TRIM8: variants seen among roughly 807,000 people sequenced by gnomAD.
The protein encoded by TRIM8 is E3 ubiquitin-protein ligase TRIM8.
A neutral mutation model predicts 55.7 loss-of-function variants in TRIM8; 9 were observed. That is an observed-to-expected ratio of 0.16 (90% CI 0.10 to 0.28). The LOEUF (loss-of-function observed/expected upper bound fraction) is 0.28. TRIM8 is among the 10% of genes least tolerant of loss of function. TRIM8 has a pLI of 1.00. For synonymous variants in TRIM8, 335 were observed against 333.3 expected (o/e 1.01, Z -0.06); for missense variants, 556 against 736.4 (o/e 0.76, Z 2.83).
In TRIM8 at chr10:102,657,085, C is replaced by T. The variant is rs527991213; in HGVS notation, c.1387C>T (p.Arg463Cys). ...QQPMLPQYGG[R>C]KILVCSVDNC... ...GCCCATGCTCCCCCAGTATGGCGGC[C>T]GCAAGATTCTCGTCTGTTCTGTGGA... Residue 463 changes from arginine (R) to cysteine (C), a missense_variant, in exon 6 of 6, where the codon CGC becomes TGC. Physicochemically the swap from Arg to Cys is radical, Grantham distance 180. Coordinates refer to ENST00000643721, the MANE Select transcript of TRIM8 (RefSeq NM_030912.3). The T allele has an allele frequency of 1.2e-6, 2 of 1,613,622 alleles. No individual in the cohort carries two copies. The highest frequency in any genetic ancestry group is 1.1e-5 in the South Asian group (1 of 91,078).
intron 1 of TRIM8, among the ~76,000 whole-genome samples, chr10:102,652,649 C>G (rs1453271831): frequency 5.3e-5 from 8 of 152,054 alleles, no homozygotes; most frequent in Non-Finnish European, 8.8e-5. Flanking sequence ...GAGATGAGAC[C>G]ATGGTTTGTG....
chr10:102,655,034 T>G, intron 2 of TRIM8, 46 bp from the exon 3 acceptor site: 1 of 1,600,776 alleles, frequency 6.2e-7, no homozygotes, highest in South Asian at 1.1e-5. Context: ...AACCAAAGGT[T>G]TCCAGTGCTT....
Position 102,656,897 on chromosome 10 carries a change from A to C in TRIM8, c.1199A>C (p.Tyr400Ser), listed in dbSNP as rs1214068585. Residue 400 changes from tyrosine to serine, a missense_variant, in exon 6 of 6, where the codon TAC becomes TCC. Tyr to Ser is a moderately radical substitution (Grantham distance 144). Around this residue, in one of 2 missense-constraint regions of TRIM8, gnomAD observed 391 missense variants for 441.0 expected, o/e 0.89. Transcript: ENST00000643721. The surrounding 1 kb of genome is among the most constrained non-coding windows in gnomAD (Gnocchi z 4.6). ...TCGTCGGGCCCTGTGGGCGGCCAGT[A>C]CGGGGCGGCGGGCACAGCCAGCGGT... ...ETSSGPVGGQ[Y>S]GAAGTASGEG... 1.3e-6 allele frequency: 2 copies of C among 1,594,012 alleles called. No homozygotes were observed. Among genetic ancestry groups the C allele is most frequent in the African/African-American group, 1.3e-5 (1 of 74,472 alleles).
rs966546178 is a variant in TRIM8 at position 102,644,806 on chromosome 10, G to C, written c.189G>C (p.Pro63=). 1.4e-5 allele frequency: 22 copies of C among 1,613,118 alleles called. No individual in the cohort carries two copies. The African/African-American group carries it at 2.7e-4, about 20-fold the overall frequency. The change falls in exon 1 of 6, where the codon CCG becomes CCC. Residue 63 remains proline (P), a synonymous_variant. Transcript: ENST00000643721. ...GCAACCAGGCCTACAACCAGAAGCCGGGCCTGGAGAAGAACCTGAAGCTCA... is the reference window on the plus strand; with the variant it reads ...GCAACCAGGCCTACAACCAGAAGCCCGGCCTGGAGAAGAACCTGAAGCTCA... ...PECNQAYNQK[P]GLEKNLKLTN...
intron 2 of TRIM8, 88 bp downstream of exon 2, chr10:102,654,836 GC>G (rs2064010638): frequency 9.2e-7 from 1 of 1,083,888 alleles, no homozygotes; most frequent in South Asian, 1.2e-5. Context: ...TGATTGTGTA[GC>G]CCTATGCCAG....
chr10:102,656,351 CAAG>C lies in TRIM8; in HGVS notation c.1018_1020del (p.Lys340del). On this transcript the variant is annotated inframe_deletion, in exon 5 of 6. Transcript: ENST00000643721. The surrounding 1 kb of genome is among the most constrained non-coding windows in gnomAD (Gnocchi z 4.6). ...CCAAGCTCTTCCTGAACGAAGTGGC[CAAG>C]AAGGAGAAGCAGCTGCGGAAAATGC... 6.2e-7 allele frequency: 1 copy of C among 1,613,990 alleles called. No homozygotes were observed. Among genetic ancestry groups the C allele is most frequent in the Non-Finnish European group, 8.5e-7 (1 of 1,179,964 alleles).
chr10:102,657,370 G>A lies in TRIM8; in HGVS notation c.*16G>A, dbSNP rs751338987. The A allele has an allele frequency of 5.9e-6, 9 of 1,533,974 alleles. No individual in the cohort carries two copies. Among genetic ancestry groups the A allele is most frequent in the Non-Finnish European group, 7.9e-6 (9 of 1,138,270 alleles). ...GACGAGCTAACGCCACGCAGGCGGCGGGGCGCTGGGGAATCTTCCTCCCCA... is the reference window on the plus strand; with the variant it reads ...GACGAGCTAACGCCACGCAGGCGGCAGGGCGCTGGGGAATCTTCCTCCCCA... On this transcript the variant is annotated 3_prime_UTR_variant, in exon 6 of 6. Coordinates refer to ENST00000643721, the MANE Select transcript of TRIM8 (RefSeq NM_030912.3).
In TRIM8 at chr10:102,656,877, G is replaced by A. The variant is rs760222220; in HGVS notation, c.1179G>A (p.Ser393=). 2.0e-5 allele frequency: 31 copies of A among 1,573,088 alleles called. No homozygotes were observed. Among genetic ancestry groups the A allele is most frequent in the Non-Finnish European group, 2.6e-5 (30 of 1,161,070 alleles). Residue 393 remains serine, a synonymous_variant, in exon 6 of 6, where the codon TCG becomes TCA. Coordinates refer to ENST00000643721, the MANE Select transcript of TRIM8 (RefSeq NM_030912.3). The surrounding 1 kb of genome is among the most constrained non-coding windows in gnomAD (Gnocchi z 4.6). ...AGGCCAGTTTCCTAGAGACGTCGTC[G>A]GGCCCTGTGGGCGGCCAGTACGGGG... is the stretch of plus-strand genomic sequence containing the variant. ...FPEASFLETS[S]GPVGGQYGAA...
chr10:102,652,777 G>C (rs995297446), intron 1 of TRIM8, among the ~76,000 whole-genome samples: 14 of 151,584 alleles, frequency 9.2e-5, no homozygotes, highest in Non-Finnish European at 1.6e-4. Context: ...TTGAAATGAG[G>C]TTGGTGCATG....
At chr10:102,651,392 G>GT (rs928048731) in intron 1 of TRIM8, among the ~76,000 whole-genome samples, 1 of 152,192 alleles carries the variant, frequency 6.6e-6, no homozygotes, top group African/African-American at 2.4e-5. Flanking sequence ...GCCCTGAGGG[G>GT]TCACTCCCTG....
intron 1 of TRIM8, among the ~76,000 whole-genome samples, chr10:102,647,738 C>T (rs1323296392): frequency 6.6e-6 from 1 of 152,116 alleles, no homozygotes; most frequent in Non-Finnish European, 1.5e-5. Flanking sequence ...AGAGACCTGG[C>T]ACCTGCCTTA....
intron 1 of TRIM8, among the ~76,000 whole-genome samples, chr10:102,649,929 A>G (rs1252732734): frequency 7.2e-5 from 11 of 152,092 alleles, no homozygotes; most frequent in Admixed American, 7.2e-4. Context: ...GGGGAGGGTT[A>G]GGATGGGGTG....
At position 102,656,328 on chromosome 10, in the gene TRIM8, A is replaced by C; in HGVS notation, c.991A>C (p.Lys331Gln). 1 of 1,614,140 alleles carries C rather than the reference A, an allele frequency of 6.2e-7. No individual in the cohort carries two copies. The highest frequency in any genetic ancestry group is 8.5e-7 in the Non-Finnish European group (1 of 1,180,004). ...SPTKIGHLNS[K>Q]LFLNEVAKKE... ...CACTAAGATCGGCCACCTGAACTCC[A>C]AGCTCTTCCTGAACGAAGTGGCCAA... The change falls in exon 5 of 6, where the codon AAG (lysine) becomes CAG (glutamine). Residue 331 changes from lysine to glutamine, a missense_variant. Physicochemically the swap from Lys to Gln is moderately conservative, Grantham distance 53 (BLOSUM62 1). Coordinates refer to ENST00000643721, the MANE Select transcript of TRIM8 (RefSeq NM_030912.3). This position sits in a 1 kb window ranked among gnomAD's most constrained non-coding sequence, Gnocchi z 4.6.
chr10:102,656,801 G>A lies in TRIM8; in HGVS notation c.1103G>A (p.Gly368Asp), dbSNP rs1249172552. The change falls in exon 6 of 6, where the codon GGC (glycine) becomes GAC (aspartate). Residue 368 changes from glycine to aspartate, a missense_variant. By Grantham distance (94) the Gly-to-Asp change is moderately conservative. Transcript: ENST00000643721. This position sits in a 1 kb window ranked among gnomAD's most constrained non-coding sequence, Gnocchi z 4.6. Reference protein sequence around the residue: ...FLQSVPLYPCGVSSSGAEKRK... With the variant: ...FLQSVPLYPCDVSSSGAEKRK... ...CAGAGTGTCCCCCTGTACCCTTGCG[G>A]CGTGAGCAGCTCTGGGGCGGAAAAG... is the stretch of plus-strand genomic sequence containing the variant. 2 of 1,521,324 alleles carry A rather than the reference G, an allele frequency of 1.3e-6. No homozygotes were observed. The highest frequency in any genetic ancestry group is 8.8e-7 in the Non-Finnish European group (1 of 1,135,618). 94.2% of individuals were successfully genotyped at this position (1,521,324 alleles called of 1,614,324 possible).
intron 1 of TRIM8, among the ~76,000 whole-genome samples, chr10:102,650,598 G>C (rs1009812910): frequency 1.3e-5 from 2 of 152,212 alleles, no homozygotes; most frequent in African/African-American, 4.8e-5. Context: ...ATGCTCCAGT[G>C]TACGCAGTCC....
In TRIM8 at chr10:102,656,195, G is replaced by A. The variant is rs2064022912; in HGVS notation, c.932+58G>A. The A allele has an allele frequency of 6.2e-7, 1 of 1,614,170 alleles. No homozygotes were observed. The highest frequency in any genetic ancestry group is 8.5e-7 in the Non-Finnish European group (1 of 1,180,020). ...CATCCTGGGGAGGGCAGGGGGGCCA[G>A]GCCCATGGCGGGGAGGTAGGGCGGG... On this transcript the variant is annotated intron_variant, in intron 4 of 5. Transcript: ENST00000643721. The surrounding 1 kb of genome is among the most constrained non-coding windows in gnomAD (Gnocchi z 4.6).
intron 1 of TRIM8, among the ~76,000 whole-genome samples, chr10:102,648,279 C>T (rs1313037557): frequency 2.0e-5 from 3 of 152,104 alleles, no homozygotes; most frequent in African/African-American, 4.8e-5. Context: ...ATCTCATGAC[C>T]CCCCATGACA....
Position 102,656,706 on chromosome 10 carries a change from G to A in TRIM8, c.1049-41G>A. On this transcript the variant is annotated intron_variant, in intron 5 of 5. Coordinates refer to ENST00000643721, the MANE Select transcript of TRIM8 (RefSeq NM_030912.3). The surrounding 1 kb of genome is among the most constrained non-coding windows in gnomAD (Gnocchi z 4.6). ...CAGGGAGAGGAGGCCTGGGTTGCTT[G>A]GGGTGGGAGCTTTGGCGACTTTTGC... is the stretch of plus-strand genomic sequence containing the variant. 1 of 1,506,466 alleles carries A rather than the reference G, an allele frequency of 6.6e-7. No individual in the cohort carries two copies. The highest frequency in any genetic ancestry group is 8.9e-7 in the Non-Finnish European group (1 of 1,129,694). 93.3% of individuals were successfully genotyped at this position (1,506,466 alleles called of 1,614,324 possible).
intron 1 of TRIM8, among the ~76,000 whole-genome samples, chr10:102,649,493 C>G (rs1322595297): frequency 2.0e-5 from 3 of 152,354 alleles, no homozygotes; most frequent in South Asian, 2.1e-4. Flanking sequence ...CCGGGCCGAG[C>G]AGGCTGGCCT....
Sources: allele counts gnomAD v4.1 joint callset (sites outside exome capture counted in the v4.1 genomes callset), GRCh38; gene constraint gnomAD v4.1.1; regional missense constraint gnomAD v4.1.1; non-coding constraint Gnocchi (gnomAD v3.1); transcripts MANE v1.5; gene names NCBI Gene and HGNC (gene_info 2026-07-23, HGNC 2026-07-21).